The following LRBA variants were observed in gnomAD, a reference collection of about 807,000 sequenced individuals.
LRBA encodes lipopolysaccharide-responsive and beige-like anchor protein.
In LRBA, 176 loss-of-function variants were observed where a neutral mutation model predicts 330.0. The observed-to-expected ratio is 0.53, with a 90% confidence interval of 0.47 to 0.60. LRBA has a LOEUF of 0.60. Among genes scored for constraint, LRBA ranks in the 20% least tolerant of loss-of-function variants. The pLI is 0.00. For synonymous variants in LRBA, 1,230 were observed against 1,193.0 expected, an observed-to-expected ratio of 1.03 and a Z score of -0.64; for missense variants, 3,259 against 3,444.8, an observed-to-expected ratio of 0.95 and a Z score of 1.35.
chr4:150,797,340 T>C (rs1740934824), intron 34 of LRBA, among the ~76,000 whole-genome samples: 1 of 151,864 alleles, frequency 6.6e-6, no homozygotes, highest in African/African-American at 2.4e-5. Context: ...CCAATACCTT[T>C]CCTATTAAAA....
At chr4:150,747,764 A>C (rs532868309) in intron 35 of LRBA, among the ~76,000 whole-genome samples, 11 of 152,130 alleles carry the variant, frequency 7.2e-5, no homozygotes, top group Middle Eastern at 6.8e-3. Flanking sequence ...ACTACCTACA[A>C]ATCTTGTAAT....
chr4:150,503,277 G>A (rs1004371847), intron 40 of LRBA, among the ~76,000 whole-genome samples: 8 of 152,300 alleles, frequency 5.3e-5, no homozygotes, highest in Non-Finnish European at 8.8e-5. Flanking sequence ...CCTGACCCCC[G>A]AGTAGCCTAA....
intron 40 of LRBA, among the ~76,000 whole-genome samples, chr4:150,546,185 T>C (rs1765840846): frequency 6.6e-6 from 1 of 152,206 alleles, no homozygotes; most frequent in Non-Finnish European, 1.5e-5. Flanking sequence ...ACTAAAGGTT[T>C]CTTTAGCAAT....
chr4:150,817,187 C>G lies in LRBA; in HGVS notation c.5242G>C (p.Ala1748Pro). The change falls in exon 31 of 57, where the codon GCT (alanine) becomes CCT (proline). Residue 1748 changes from alanine (A) to proline (P), a missense_variant. Transcript: ENST00000651943. Reference protein sequence around the residue: ...STFNTSIPTNAVSVVSSVDSA... With the variant: ...STFNTSIPTNPVSVVSSVDSA... Reference sequence around the variant, plus strand: ...TCTACTGAGGAAACCACACTGACAGCATTGGTAGGTATGCTTGTATTAAAG... The same window carrying G: ...TCTACTGAGGAAACCACACTGACAGGATTGGTAGGTATGCTTGTATTAAAG... 1 of 1,612,036 alleles carries G rather than the reference C, an allele frequency of 6.2e-7. No individual in the cohort carries two copies. Among genetic ancestry groups the G allele is most frequent in the South Asian group, 1.1e-5 (1 of 91,020 alleles).
chr4:150,633,661 T>C (rs1271450956), intron 37 of LRBA, among the ~76,000 whole-genome samples: 1 of 152,214 alleles, frequency 6.6e-6, no homozygotes, highest in African/African-American at 2.4e-5. Flanking sequence ...ATAAAATCTT[T>C]ATGGCTCCTT....
intron 33 of LRBA, among the ~76,000 whole-genome samples, chr4:150,803,069 A>AC (rs1351514177): frequency 1.7e-3 from 65 of 38,694 alleles, no homozygotes; most frequent in African/African-American, 3.4e-3. Context: ...AAACAAACAA[A>AC]AAAAAAATAT....
At chr4:150,518,930 GTATCCTTAAATGCC>G (rs1383086752) in intron 40 of LRBA, among the ~76,000 whole-genome samples, 7 of 152,040 alleles carry the variant, frequency 4.6e-5, no homozygotes, top group African/African-American at 1.4e-4. Context: ...CTGAGGACCG[GTATCCTTAAATGCC>G]TATCTCTGTG....
chr4:150,549,766 G>C (rs2152243494), intron 40 of LRBA, among the ~76,000 whole-genome samples: 1 of 152,274 alleles, frequency 6.6e-6, no homozygotes, highest in Non-Finnish European at 1.5e-5. Flanking sequence ...ACCTCCATTT[G>C]TCTGTCCCAA....
Position 150,562,908 on chromosome 4 carries a change from T to C in LRBA, c.6330+25140A>G, listed in dbSNP as rs572753877. 1.5e-4 allele frequency among the ~76,000 whole-genome samples: 23 copies of C among 152,170 alleles called. No individual in the cohort carries two copies. The East Asian group carries it at 4.1e-3, about 27-fold the overall frequency. ...TTGAACTCCTGGGCTCCAGCAATCCTCTTATCTCAGCCTCTCAAGTAGCTG... is the reference window on the plus strand; with the variant it reads ...TTGAACTCCTGGGCTCCAGCAATCCCCTTATCTCAGCCTCTCAAGTAGCTG... On this transcript the variant is annotated intron_variant, in intron 40 of 56. Transcript: ENST00000651943.
intron 4 of LRBA, 114 bp downstream of exon 4, chr4:150,928,402 T>C: frequency 1.5e-6 from 1 of 655,400 alleles, no homozygotes; most frequent in Non-Finnish European, 2.7e-6. Flanking sequence ...TTTTAATTAA[T>C]CTATTCAATT....
rs534036237 is a variant in LRBA at position 150,987,768 on chromosome 4, G to A, written c.216+26659C>T. On this transcript the variant is annotated intron_variant, in intron 2 of 56. Transcript: ENST00000651943. ...TGTAATCCCAGCACTGTGAGAGGCC[G>A]AGGCAGGCAGATCACCTGAGGTCAG... 9.0e-4 allele frequency among the ~76,000 whole-genome samples: 137 copies of A among 151,618 alleles called. 1 individual carries two copies. Among genetic ancestry groups the A allele is most frequent in the African/African-American group, 3.1e-3 (128 of 41,364 alleles).
At chr4:150,537,174 C>G (rs1327435507) in intron 40 of LRBA, among the ~76,000 whole-genome samples, 3 of 152,182 alleles carry the variant, frequency 2.0e-5, no homozygotes, top group African/African-American at 7.2e-5. Flanking sequence ...AGAAATAAAG[C>G]TGCACACCTA....
At chr4:150,574,981 G>A (rs1334281345) in intron 40 of LRBA, among the ~76,000 whole-genome samples, 2 of 151,872 alleles carry the variant, frequency 1.3e-5, no homozygotes, top group African/African-American at 4.8e-5. Flanking sequence ...CAGTCTAGAT[G>A]GATCTAAACG....
chr4:151,015,064 C>G (rs186540947), intron 1 of LRBA, 138 bp downstream of exon 1: 13 of 164,470 alleles, frequency 7.9e-5, no homozygotes, highest in Non-Finnish European at 1.7e-4. Context: ...TCCTCCCCCA[C>G]TCTCGTGCAG....
chr4:150,533,175 TTTTG>T (rs1168813996), intron 40 of LRBA, among the ~76,000 whole-genome samples: 5 of 152,238 alleles, frequency 3.3e-5, no homozygotes, highest in East Asian at 1.9e-4. Flanking sequence ...ACCCATCTTT[TTTTG>T]TTTGTTTGTT....
chr4:150,579,357 T>C lies in LRBA; in HGVS notation c.6330+8691A>G, dbSNP rs1408786885. 3 of 424,148 alleles carry C rather than the reference T, an allele frequency of 7.1e-6. No individual in the cohort carries two copies. In the East Asian group the frequency reaches 2.3e-4, roughly 32 times the overall value. 26.3% of individuals were successfully genotyped at this position (424,148 alleles called of 1,614,324 possible). A position where few individuals can be genotyped will look rare whatever the true frequency, so the allele number is the denominator to read the frequency against. ...GCTCTTAGAGCAGAGGCAGCCAGAG[T>C]GAGTTGGGGTGGGGGAGGGGGGAGA... On this transcript the variant is annotated intron_variant, in intron 40 of 56. Coordinates refer to ENST00000651943, the MANE Select transcript of LRBA (RefSeq NM_001364905.1).
At chr4:150,397,070 G>A (rs1328759594) in intron 47 of LRBA, among the ~76,000 whole-genome samples, 4 of 152,138 alleles carry the variant, frequency 2.6e-5, no homozygotes, top group Non-Finnish European at 2.9e-5. Context: ...TGGAGTAGGT[G>A]TATGTCCTTG....
intron 17 of LRBA, among the ~76,000 whole-genome samples, chr4:150,880,051 G>A (rs1049937655): frequency 6.6e-6 from 1 of 152,000 alleles, no homozygotes; most frequent in Admixed American, 6.6e-5. Flanking sequence ...ACAGACACAT[G>A]TGTCAATGGA....
chr4:150,409,841 A>T (rs186022920), intron 47 of LRBA, among the ~76,000 whole-genome samples: 1 of 152,138 alleles, frequency 6.6e-6, no homozygotes, highest in Non-Finnish European at 1.5e-5. Flanking sequence ...CAAACCAAAC[A>T]ATAGTAATTT....
Sources: gnomAD v4.1 joint callset for allele counts (sites outside exome capture counted in the v4.1 genomes callset) on GRCh38, gnomAD v4.1.1 for gene constraint, MANE v1.5 for transcripts, NCBI Gene and HGNC (gene_info 2026-07-23, HGNC 2026-07-21) for gene names.